Variants in RARB observed in about 807,000 individuals in gnomAD.
RARB encodes the protein HBV-activated protein.
In RARB, 17 loss-of-function variants were observed where a neutral mutation model predicts 51.9. That is an observed-to-expected ratio of 0.33 (90% CI 0.22 to 0.49). The LOEUF (loss-of-function observed/expected upper bound fraction) is 0.49. RARB is among the 20% of genes least tolerant of loss of function. The pLI, the probability that RARB is intolerant of heterozygous loss-of-function variation, is 0.99. For synonymous variants in RARB, 215 were observed against 195.4 expected (o/e 1.10, Z -0.84); for missense variants, 369 against 550.8 (o/e 0.67, Z 3.30).
intron 5 of RARB, among the ~76,000 whole-genome samples, chr3:25,584,000 T>C: frequency 6.6e-6 from 1 of 152,160 alleles, no homozygotes; most frequent in Non-Finnish European, 1.5e-5. Flanking sequence ...TTCAATCTCC[T>C]TTATGCCTTT....
In RARB at chr3:25,452,673, T is replaced by G. The variant is rs112033891; in HGVS notation, c.158-8520T>G. On this transcript the variant is annotated intron_variant, in intron 1 of 7. Transcript: ENST00000330688. ...ATGAGAATTTAAAAAGCGGGGGGGG[T>G]TTGGTGAGATAATAGTAAACATATT... Among the ~76,000 whole-genome samples, 74 of 115,424 alleles carry G rather than the reference T, an allele frequency of 6.4e-4. 1 individual carries two copies. The East Asian group carries it at 8.6e-3, about 13-fold the overall frequency. The allele number at this position is 115,424 out of a possible 152,430, so 75.7% of individuals were successfully genotyped here.
intron 2 of RARB, among the ~76,000 whole-genome samples, chr3:24,956,175 T>C (rs1466019505): frequency 1.3e-5 from 2 of 152,234 alleles, no homozygotes; most frequent in African/African-American, 4.8e-5. Context: ...GTACTACATT[T>C]TGGGTAATCA....
chr3:24,914,922 T>G (rs538910610), intron 2 of RARB, among the ~76,000 whole-genome samples: 1 of 152,304 alleles, frequency 6.6e-6, no homozygotes, highest in South Asian at 2.1e-4. Flanking sequence ...TGTTTGGATT[T>G]GTTGTTGAGC....
intron 2 of RARB, among the ~76,000 whole-genome samples, chr3:24,966,618 C>G (rs1223945128): frequency 6.9e-6 from 1 of 143,904 alleles, no homozygotes; most frequent in Admixed American, 6.8e-5. Context: ...CTCTCTCTCT[C>G]TCTCTCTCTC....
chr3:24,915,118 T>C (rs1695077635), intron 2 of RARB, among the ~76,000 whole-genome samples: 1 of 152,214 alleles, frequency 6.6e-6, no homozygotes, highest in African/African-American at 2.4e-5. Context: ...TCTGAAGAAC[T>C]AGTCCTGTTG....
Position 25,480,565 on chromosome 3 carries a change from C to T in RARB, c.306+19224C>T, listed in dbSNP as rs1575444550. Among the ~76,000 whole-genome samples, 3 of 152,170 alleles carry T rather than the reference C, an allele frequency of 2.0e-5. No individual in the cohort carries two copies. In the South Asian group the frequency reaches 6.2e-4, roughly 32 times the overall value. On this transcript the variant is annotated intron_variant, in intron 2 of 7. Transcript: ENST00000330688. ...AGTCCTTGAAAGTATGGCAAGGATG[C>T]ATTTTGGTGATGTTTCATATAATTC...
chr3:24,982,241 C>T (rs145769790), intron 2 of RARB, among the ~76,000 whole-genome samples: 2 of 152,200 alleles, frequency 1.3e-5, no homozygotes, highest in Non-Finnish European at 2.9e-5. Flanking sequence ...TTCTGCAACT[C>T]TCTGAGACCA....
intron 5 of RARB, among the ~76,000 whole-genome samples, chr3:25,203,185 A>G (rs182162042): frequency 7.9e-5 from 12 of 152,272 alleles, no homozygotes; most frequent in South Asian, 4.1e-4. Flanking sequence ...CCATTATGCA[A>G]TGGCCTTCTT....
intron 2 of RARB, among the ~76,000 whole-genome samples, chr3:24,908,946 A>AT (rs1430972752): frequency 9.2e-5 from 14 of 152,026 alleles, no homozygotes; most frequent in African/African-American, 2.4e-4. Context: ...ACGGAATCCT[A>AT]TTTTTTCCAT....
intron 3 of RARB, among the ~76,000 whole-genome samples, chr3:25,066,279 G>T (rs962698735): frequency 6.6e-6 from 1 of 152,076 alleles, no homozygotes; most frequent in Non-Finnish European, 1.5e-5. Flanking sequence ...GACTTGAATT[G>T]GTTGACTAGG....
chr3:25,327,997 C>T (rs191550805), intron 5 of RARB, among the ~76,000 whole-genome samples: 1 of 152,268 alleles, frequency 6.6e-6, no homozygotes, highest in African/African-American at 2.4e-5. Context: ...ATACACAGTA[C>T]TTATAAACAC....
At chr3:24,833,317 G>C (rs1041743969) in intron 1 of RARB, 1 of 152,120 alleles carries the variant, frequency 6.6e-6, no homozygotes, top group Non-Finnish European at 1.5e-5. Context: ...TTCCCAGCTG[G>C]CTCCACTTTC....
intron 5 of RARB, among the ~76,000 whole-genome samples, chr3:25,354,822 C>T (rs4681049): frequency 0.8 from 121,771 of 152,162 alleles, 49,046 homozygotes; most frequent in East Asian, 0.99. Flanking sequence ...CCTGGGGTTA[C>T]TGAGTTTCAT....
chr3:25,449,748 C>G (rs901330632), intron 1 of RARB, among the ~76,000 whole-genome samples: 6 of 134,874 alleles, frequency 4.4e-5, no homozygotes, highest in African/African-American at 1.7e-4. Flanking sequence ...CAATCTCTTT[C>G]TCTCTCTCTT....
intron 4 of RARB, among the ~76,000 whole-genome samples, chr3:25,161,178 A>AATTATTATTATTATT (rs72136020): frequency 7.0e-6 from 1 of 142,330 alleles, no homozygotes; most frequent in African/African-American, 2.6e-5. Flanking sequence ...ATGCCCAGCT[A>AATTATTATTATTATT]ATTATTATTA....
chr3:25,579,119 A>C (rs1575536965), intron 4 of RARB, among the ~76,000 whole-genome samples: 1 of 152,210 alleles, frequency 6.6e-6, no homozygotes, highest in Non-Finnish European at 1.5e-5. Flanking sequence ...CATATATATC[A>C]CCACCTCTTT....
chr3:25,377,004 A>G (rs569537280), intron 5 of RARB, among the ~76,000 whole-genome samples: 21 of 151,828 alleles, frequency 1.4e-4, no homozygotes, highest in East Asian at 3.9e-4. Flanking sequence ...TCTTCTTTCA[A>G]TGTATTAGTT....
chr3:25,148,044 T>A (rs1700223154), intron 4 of RARB, among the ~76,000 whole-genome samples: 1 of 152,236 alleles, frequency 6.6e-6, no homozygotes, highest in African/African-American at 2.4e-5. Context: ...GACTACTGTT[T>A]ATGTGATCTA....
At chr3:25,335,299 A>G (rs1223210828) in intron 5 of RARB, among the ~76,000 whole-genome samples, 1 of 152,210 alleles carries the variant, frequency 6.6e-6, no homozygotes, top group Non-Finnish European at 1.5e-5. Context: ...TGAAATTCTA[A>G]GCACAATGCT....
Sources: gnomAD v4.1 joint callset for allele counts (sites outside exome capture counted in the v4.1 genomes callset) on GRCh38, gnomAD v4.1.1 for gene constraint, MANE v1.5 for transcripts, NCBI Gene and HGNC (gene_info 2026-07-23, HGNC 2026-07-21) for gene names.